Variants in SPOCK3 observed in about 807,000 individuals in gnomAD.
SPOCK3 encodes testican-3.
Under a neutral mutation model 56.6 loss-of-function variants are expected in SPOCK3, and 30 were observed. That is an observed-to-expected ratio of 0.53 (90% CI 0.40 to 0.72). The LOEUF (loss-of-function observed/expected upper bound fraction) is 0.72, where lower values mean the gene tolerates loss of function less well. SPOCK3 is among the 30% of genes least tolerant of loss of function. SPOCK3 has a pLI of 0.00. For missense variants in SPOCK3, 527 were observed against 530.0 expected (o/e 0.99, Z 0.06); for synonymous variants, 196 against 183.3 (o/e 1.07, Z -0.56).
At chr4:166,933,657 C>T (rs533807331) in intron 4 of SPOCK3, among the ~76,000 whole-genome samples, 4 of 152,212 alleles carry the variant, frequency 2.6e-5, no homozygotes, top group African/African-American at 4.8e-5. Context: ...AAAATCTTTT[C>T]GAGGAAGAGT....
intron 4 of SPOCK3, among the ~76,000 whole-genome samples, chr4:166,939,614 T>A (rs1740826712): frequency 6.6e-6 from 1 of 152,204 alleles, no homozygotes; most frequent in Non-Finnish European, 1.5e-5. Flanking sequence ...AATGTGTCTA[T>A]GTTTGTTACT....
intron 2 of SPOCK3, among the ~76,000 whole-genome samples, chr4:167,138,999 A>G (rs996413921): frequency 1.3e-5 from 2 of 152,008 alleles, no homozygotes; most frequent in African/African-American, 4.8e-5. Context: ...CAGCAGTGTC[A>G]AAAACTTTGT....
intron 7 of SPOCK3, among the ~76,000 whole-genome samples, chr4:166,765,672 TC>T (rs1737921644): frequency 6.6e-6 from 1 of 152,232 alleles, no homozygotes; most frequent in African/African-American, 2.4e-5. Flanking sequence ...CAATGTGGGC[TC>T]TTTTTTGGTT....
intron 3 of SPOCK3, among the ~76,000 whole-genome samples, chr4:167,060,544 ATTT>A (rs995225244): frequency 6.6e-6 from 1 of 152,020 alleles, no homozygotes; most frequent in Non-Finnish European, 1.5e-5. Context: ...TTCGATTTTT[ATTT>A]TTTTGATACA....
At chr4:167,063,567 TTTTGC>T (rs1404109971) in intron 2 of SPOCK3, among the ~76,000 whole-genome samples, 3 of 151,862 alleles carry the variant, frequency 2.0e-5, no homozygotes, top group Admixed American at 6.6e-5. Flanking sequence ...ATAAATGCGG[TTTTGC>T]TACATGAATA....
chr4:166,787,008 G>A (rs144998422), intron 7 of SPOCK3, among the ~76,000 whole-genome samples: 105 of 152,258 alleles, frequency 6.9e-4, no homozygotes, highest in African/African-American at 2.5e-3. Flanking sequence ...CAGCTCAGAT[G>A]CACCTCTTGA....
At chr4:167,013,009 T>C (rs1750243084) in intron 3 of SPOCK3, among the ~76,000 whole-genome samples, 1 of 151,966 alleles carries the variant, frequency 6.6e-6, no homozygotes, top group Non-Finnish European at 1.5e-5. Flanking sequence ...TTAAATACAG[T>C]GAGTCTTTGG....
intron 2 of SPOCK3, among the ~76,000 whole-genome samples, chr4:167,129,469 A>G (rs535179350): frequency 6.6e-6 from 1 of 152,126 alleles, no homozygotes; most frequent in Non-Finnish European, 1.5e-5. Context: ...CTAGTGTTCT[A>G]TTTCATCTGT....
chr4:166,791,546 AAAT>A (rs1247341218), intron 7 of SPOCK3, among the ~76,000 whole-genome samples: 2 of 152,216 alleles, frequency 1.3e-5, no homozygotes, highest in Non-Finnish European at 2.9e-5. Flanking sequence ...ATACAAATGA[AAAT>A]AATATAAAAT....
intron 2 of SPOCK3, among the ~76,000 whole-genome samples, chr4:167,079,021 A>T (rs1186919311): frequency 2.0e-5 from 3 of 151,598 alleles, no homozygotes; most frequent in African/African-American, 7.3e-5. Context: ...AATTTATTCT[A>T]TTTAGATGTT....
chr4:166,880,487 T>TGTTTACATGTATTA (rs1199413873), intron 6 of SPOCK3, among the ~76,000 whole-genome samples: 1 of 152,200 alleles, frequency 6.6e-6, no homozygotes, highest in African/African-American at 2.4e-5. Flanking sequence ...CTGTAAATTC[T>TGTTTACATGTATTA]CCAGCGTTTA....
rs538633149 is a variant in SPOCK3, at chr4:167,178,837, T to C, written c.189+55148A>G. Among the ~76,000 whole-genome samples the C allele has an allele frequency of 3.9e-5, 6 of 152,178 alleles. No homozygotes were observed. In the East Asian group the frequency reaches 1.2e-3, roughly 29 times the overall value. On this transcript the variant is annotated intron_variant, in intron 2 of 10. Coordinates refer to ENST00000357545, the MANE Select transcript of SPOCK3 (RefSeq NM_001040159.2). Reference sequence around the variant, plus strand: ...AAATACATACATAATTAAAATAAAATACATGGTATTATAAAATGGTATATT... The same window carrying C: ...AAATACATACATAATTAAAATAAAACACATGGTATTATAAAATGGTATATT...
At chr4:167,174,164 AT>A (rs1245511764) in intron 2 of SPOCK3, among the ~76,000 whole-genome samples, 3 of 152,124 alleles carry the variant, frequency 2.0e-5, no homozygotes, top group African/African-American at 7.2e-5. Context: ...ACTATATAAT[AT>A]TAATGTAAAC....
intron 2 of SPOCK3, among the ~76,000 whole-genome samples, chr4:167,134,022 CTTTTTTTTTT>C (rs34410893): frequency 1.2e-5 from 1 of 80,560 alleles, no homozygotes; most frequent in African/African-American, 4.9e-5. Flanking sequence ...ACACCTTTTT[CTTTTTTTTTT>C]TTTTTTTTTT....
Position 167,062,590 on chromosome 4 carries a change from G to A in SPOCK3, c.190-53C>T, listed in dbSNP as rs931838693. 2.9e-6 allele frequency: 4 copies of A among 1,382,626 alleles called. No homozygotes were observed. In the African/African-American group the frequency reaches 5.8e-5, roughly 20 times the overall value. The allele number at this position is 1,382,626 out of a possible 1,614,324, so 85.6% of individuals were successfully genotyped here. On this transcript the variant is annotated intron_variant, in intron 2 of 10. Coordinates refer to ENST00000357545, the MANE Select transcript of SPOCK3 (RefSeq NM_001040159.2). ...TGTATACAAGTAATTAAAACGCAAG[G>A]GTTCATATAAAATCTAAAATTAAAT...
Position 167,191,917 on chromosome 4 carries a change from CTCATA to C in SPOCK3, c.189+42063_189+42067del, listed in dbSNP as rs1235941647. Among the ~76,000 whole-genome samples, 4 of 145,552 alleles carry C rather than the reference CTCATA, an allele frequency of 2.7e-5. 1 individual carries two copies. The highest frequency in any genetic ancestry group is 2.1e-4 in the Admixed American group (3 of 14,166). ...TTAATATAAGGTTGGCCACAAGCTTCTCATATATGTTCTTCATTAAGTTGAAGTAC... is the reference window on the plus strand; with the variant it reads ...TTAATATAAGGTTGGCCACAAGCTTCTATGTTCTTCATTAAGTTGAAGTAC... On this transcript the variant is annotated intron_variant, in intron 2 of 10. Transcript: ENST00000357545.
intron 3 of SPOCK3, among the ~76,000 whole-genome samples, chr4:167,013,376 G>A (rs1413992754): frequency 1.3e-5 from 2 of 151,554 alleles, no homozygotes; most frequent in East Asian, 3.9e-4. Context: ...GCTACCATTT[G>A]TTTTCTTTGT....
chr4:167,036,868 T>A (rs893969637), intron 3 of SPOCK3, among the ~76,000 whole-genome samples: 4 of 152,232 alleles, frequency 2.6e-5, no homozygotes, highest in African/African-American at 9.6e-5. Flanking sequence ...AAAAAAAATA[T>A]TTTGGGAGAT....
intron 4 of SPOCK3, among the ~76,000 whole-genome samples, chr4:166,945,436 A>T (rs1458170269): frequency 6.6e-6 from 1 of 152,188 alleles, no homozygotes; most frequent in Admixed American, 6.5e-5. Context: ...CTCTGTTCTA[A>T]AACAAGAAAC....
Sources: gnomAD v4.1 joint callset for allele counts (sites outside exome capture counted in the v4.1 genomes callset) on GRCh38, gnomAD v4.1.1 for gene constraint, MANE v1.5 for transcripts, NCBI Gene and HGNC (gene_info 2026-07-23, HGNC 2026-07-21) for gene names.